The following STPG2 variants were observed in gnomAD, a reference collection of about 807,000 sequenced individuals.
The protein encoded by STPG2 is sperm tail PG-rich repeat containing 2, also known as sperm-tail PG-rich repeat-containing protein 2.
STPG2 carries 56 observed loss-of-function variants against 54.2 expected under a neutral mutation model. The ratio of observed to expected loss-of-function variants is 1.03; its 90% CI spans 0.83 to 1.29. The LOEUF is 1.29. Ranked by LOEUF, STPG2 falls within the 50% of genes most tolerant of loss-of-function variation. The probability of loss-of-function intolerance (pLI) is 0.00; values close to 1 mark genes in which losing one functional copy is unlikely to be tolerated. For missense variants in STPG2, 596 were observed against 544.9 expected (o/e 1.09, Z -0.93); for synonymous variants, 200 against 181.8 (o/e 1.10, Z -0.81).
intron 9 of STPG2, among the ~76,000 whole-genome samples, chr4:97,740,522 T>C (rs1259230027): frequency 6.6e-6 from 1 of 152,028 alleles, no homozygotes; most frequent in African/African-American, 2.4e-5. Flanking sequence ...AGTCTCAGGA[T>C]ACAAAATCAA....
intron 4 of STPG2, among the ~76,000 whole-genome samples, chr4:97,447,838 T>A (rs1463611592): frequency 5.9e-5 from 9 of 152,110 alleles, no homozygotes; most frequent in Non-Finnish European, 1.3e-4. Context: ...GAGTCCCCAC[T>A]GGTGCATCTC....
At chr4:97,764,007 C>T (rs1286658262) in intron 9 of STPG2, among the ~76,000 whole-genome samples, 1 of 151,726 alleles carries the variant, frequency 6.6e-6, no homozygotes, top group Non-Finnish European at 1.5e-5. Context: ...CTATTTTAGC[C>T]ACATGTGCCT....
At chr4:98,126,941 T>C (rs1305629104) in intron 3 of STPG2, among the ~76,000 whole-genome samples, 2 of 152,018 alleles carry the variant, frequency 1.3e-5, no homozygotes, top group African/African-American at 4.8e-5. Flanking sequence ...TATTAAATTA[T>C]TTTTTAAAAA....
At position 97,692,568 on chromosome 4, in the gene STPG2, A is replaced by G. The variant is rs991018821; in HGVS notation, c.1320+20131T>C. On this transcript the variant is annotated intron_variant, in intron 10 of 10. Transcript: ENST00000295268. Reference sequence around the variant, plus strand: ...ATTATGTTAAACAACCAAACCTAACAATAATTGGTATTCCCGAGGAAGAAG... The same window carrying G: ...ATTATGTTAAACAACCAAACCTAACGATAATTGGTATTCCCGAGGAAGAAG... Among the ~76,000 whole-genome samples the G allele has an allele frequency of 3.9e-5, 6 of 152,150 alleles. No homozygotes were observed. The East Asian group carries it at 1.2e-3, about 29-fold the overall frequency.
At chr4:97,789,559 A>C (rs1263487653) in intron 9 of STPG2, among the ~76,000 whole-genome samples, 2 of 152,146 alleles carry the variant, frequency 1.3e-5, no homozygotes, top group Non-Finnish European at 2.9e-5. Context: ...TCTATCAGTG[A>C]TAAACTGTAA....
intron 4 of STPG2, among the ~76,000 whole-genome samples, chr4:97,503,606 T>C (rs1303537858): frequency 2.6e-5 from 4 of 151,324 alleles, no homozygotes; most frequent in Non-Finnish European, 5.9e-5. Flanking sequence ...TTTTTAAAAG[T>C]TAAAATGGAA....
chr4:97,795,765 G>T (rs191528826), intron 9 of STPG2, among the ~76,000 whole-genome samples: 3 of 152,178 alleles, frequency 2.0e-5, no homozygotes, highest in Non-Finnish European at 4.4e-5. Flanking sequence ...GATCCCTGAG[G>T]AATCGCCACA....
intron 4 of STPG2, among the ~76,000 whole-genome samples, chr4:97,502,902 C>T (rs1730756444): frequency 1.3e-5 from 2 of 151,966 alleles, no homozygotes; most frequent in African/African-American, 4.8e-5. Context: ...CTCTCTCTCT[C>T]TCTCATTCAC....
At chr4:97,873,715 G>A (rs1730072073) in intron 8 of STPG2, among the ~76,000 whole-genome samples, 1 of 151,346 alleles carries the variant, frequency 6.6e-6, no homozygotes, top group African/African-American at 2.4e-5. Context: ...GACAGAAACA[G>A]AAACAAAAAC....
At chr4:97,821,977 T>C (rs547879081) in intron 9 of STPG2, among the ~76,000 whole-genome samples, 2 of 152,356 alleles carry the variant, frequency 1.3e-5, no homozygotes, top group South Asian at 4.1e-4. Context: ...CATGCTAATA[T>C]CTCCAGCAAG....
At chr4:97,892,615 C>G (rs900658899) in intron 8 of STPG2, among the ~76,000 whole-genome samples, 1 of 152,138 alleles carries the variant, frequency 6.6e-6, no homozygotes, top group African/African-American at 2.4e-5. Flanking sequence ...CTTATAGTGA[C>G]CTTTTCCTCA....
chr4:98,126,196 GCTTCAGCCCC>G (rs1253652453), intron 3 of STPG2, among the ~76,000 whole-genome samples: 1 of 152,156 alleles, frequency 6.6e-6, no homozygotes, highest in Admixed American at 6.5e-5. Flanking sequence ...TGGTTCCCTG[GCTTCAGCCCC>G]CTTCCTACAG....
intron 9 of STPG2, among the ~76,000 whole-genome samples, chr4:97,735,774 A>C (rs1724966597): frequency 6.6e-6 from 1 of 151,844 alleles, no homozygotes; most frequent in Non-Finnish European, 1.5e-5. Flanking sequence ...CTGTGTGTGT[A>C]TGTATGTTAA....
intron 8 of STPG2, among the ~76,000 whole-genome samples, chr4:97,855,213 A>T (rs1486277136): frequency 1.3e-5 from 2 of 152,176 alleles, no homozygotes; most frequent in East Asian, 3.8e-4. Flanking sequence ...CAACAAATAT[A>T]CACATGAATG....
At chr4:97,570,203 G>C (rs1732563441) in intron 10 of STPG2, among the ~76,000 whole-genome samples, 1 of 152,076 alleles carries the variant, frequency 6.6e-6, no homozygotes, top group Admixed American at 6.6e-5. Flanking sequence ...ACATTATTGT[G>C]ATAATGGACA....
chr4:97,773,331 A>G (rs1726274920), intron 9 of STPG2, among the ~76,000 whole-genome samples: 1 of 151,922 alleles, frequency 6.6e-6, no homozygotes, highest in African/African-American at 2.4e-5. Flanking sequence ...TATTATTATT[A>G]TTTTTACAGA....
At chr4:98,139,515 A>G (rs964379010) in intron 1 of STPG2, among the ~76,000 whole-genome samples, 13 of 152,336 alleles carry the variant, frequency 8.5e-5, no homozygotes, top group African/African-American at 3.1e-4. Flanking sequence ...ACACTTCTGC[A>G]TAGTCCAACG....
chr4:97,542,556 G>C (rs1184929920), intron 4 of STPG2, among the ~76,000 whole-genome samples: 1 of 152,206 alleles, frequency 6.6e-6, no homozygotes, highest in Non-Finnish European at 1.5e-5. Context: ...ATGGAAGACA[G>C]TGTGGCGATT....
At chr4:98,001,232 T>C (rs1735405788) in intron 5 of STPG2, among the ~76,000 whole-genome samples, 1 of 151,940 alleles carries the variant, frequency 6.6e-6, no homozygotes, top group African/African-American at 2.4e-5. Context: ...TCAAGAATTA[T>C]ATAAGGCTTT....
Sources: allele counts gnomAD v4.1 joint callset (sites outside exome capture counted in the v4.1 genomes callset), GRCh38; gene constraint gnomAD v4.1.1; transcripts MANE v1.5; gene names NCBI Gene and HGNC (gene_info 2026-07-23, HGNC 2026-07-21).